The following EPSTI1 variants were observed in gnomAD, a reference collection of about 807,000 sequenced individuals.
EPSTI1 encodes epithelial-stromal interaction protein 1.
In EPSTI1, 66 loss-of-function variants were observed where a neutral mutation model predicts 49.9. That is an observed-to-expected ratio of 1.32 (90% CI 1.08 to 1.62). The LOEUF (loss-of-function observed/expected upper bound fraction) is 1.62. Ranked by LOEUF, EPSTI1 falls within the 40% of genes most tolerant of loss-of-function variation. EPSTI1 has a pLI of 0.00. For synonymous variants in EPSTI1, 137 were observed against 130.7 expected (o/e 1.05, Z -0.33); for missense variants, 394 against 365.5 (o/e 1.08, Z -0.64).
intron 3 of EPSTI1, among the ~76,000 whole-genome samples, chr13:42,967,276 T>TA (rs563745064): frequency 0.28 from 3,774 of 13,678 alleles, 997 homozygotes; most frequent in South Asian, 0.69. Flanking sequence ...GAATTATCAA[T>TA]AAAAAAATAA....
chr13:42,926,288 A>G, intron 7 of EPSTI1, 48 bp downstream of exon 7: 1 of 1,049,292 alleles, frequency 9.5e-7, no homozygotes, highest in Non-Finnish European at 1.5e-6. Context: ...GTCACTAAAT[A>G]CCTCTATAAA....
At chr13:42,976,282 G>A (rs182653011) in intron 1 of EPSTI1, among the ~76,000 whole-genome samples, 121 of 152,228 alleles carry the variant, frequency 7.9e-4, no homozygotes, top group African/African-American at 2.8e-3. Context: ...AAAATCCTTC[G>A]GGAATACACC....
chr13:42,917,708 T>G, intron 7 of EPSTI1, 84 bp from the exon 8 acceptor site: 2 of 989,166 alleles, frequency 2.0e-6, no homozygotes, highest in Non-Finnish European at 3.0e-6. Context: ...CTGCCTACTA[T>G]AGGCCCGGTG....
chr13:42,941,745 G>A (rs1297076477), intron 6 of EPSTI1, among the ~76,000 whole-genome samples: 11 of 150,284 alleles, frequency 7.3e-5, no homozygotes, highest in Admixed American at 7.3e-4. Context: ...TTTTTTTTTG[G>A]AGGTTACCAA....
intron 8 of EPSTI1, among the ~76,000 whole-genome samples, chr13:42,916,982 T>G (rs79863182): frequency 6.6e-6 from 1 of 152,320 alleles, no homozygotes; most frequent in East Asian, 1.9e-4. Flanking sequence ...GTAATGAAGA[T>G]TATTCTTTAA....
At chr13:42,975,484 A>G (rs1236533094) in intron 1 of EPSTI1, among the ~76,000 whole-genome samples, 1 of 152,244 alleles carries the variant, frequency 6.6e-6, no homozygotes, top group Non-Finnish European at 1.5e-5. Flanking sequence ...GGCTGAATAC[A>G]GACACAGTGG....
At chr13:42,895,673 T>C (rs1041371198) in intron 9 of EPSTI1, among the ~76,000 whole-genome samples, 5 of 152,216 alleles carry the variant, frequency 3.3e-5, no homozygotes, top group African/African-American at 1.2e-4. Context: ...ACTATAAATA[T>C]CTGTTTTGTG....
chr13:42,968,328 G>C (rs903029770), intron 3 of EPSTI1, among the ~76,000 whole-genome samples: 1 of 151,958 alleles, frequency 6.6e-6, no homozygotes, highest in Non-Finnish European at 1.5e-5. Flanking sequence ...TTCTTGGTGG[G>C]GGGGCAGGGT....
At chr13:42,901,872 C>T (rs927912908) in intron 8 of EPSTI1, among the ~76,000 whole-genome samples, 1 of 151,812 alleles carries the variant, frequency 6.6e-6, no homozygotes, top group African/African-American at 2.4e-5. Context: ...CCCACTAACT[C>T]GTCATCTAGC....
At chr13:42,898,359 A>G (rs141848517) in intron 9 of EPSTI1, among the ~76,000 whole-genome samples, 2 of 152,340 alleles carry the variant, frequency 1.3e-5, no homozygotes, top group East Asian at 3.9e-4. Context: ...TTCATTGAGT[A>G]TGTATTCTCA....
At chr13:42,928,381 G>A (rs971438201) in intron 6 of EPSTI1, among the ~76,000 whole-genome samples, 4 of 152,142 alleles carry the variant, frequency 2.6e-5, no homozygotes, top group Admixed American at 6.5e-5. Context: ...AGGGGCAAAC[G>A]AAGGAAAACA....
At chr13:42,957,392 A>T (rs1490932995) in intron 5 of EPSTI1, among the ~76,000 whole-genome samples, 2 of 152,176 alleles carry the variant, frequency 1.3e-5, no homozygotes. Context: ...AGATCCTTAA[A>T]TGTGGAATTT....
intron 1 of EPSTI1, among the ~76,000 whole-genome samples, chr13:42,979,304 C>T (rs761416703): frequency 1.6e-4 from 24 of 152,168 alleles, no homozygotes; most frequent in Non-Finnish European, 3.1e-4. Context: ...GCCGGTGGGG[C>T]ACAGTGGCTT....
chr13:42,890,644 C>CT (rs1185970351), intron 10 of EPSTI1, among the ~76,000 whole-genome samples: 2 of 152,012 alleles, frequency 1.3e-5, no homozygotes, highest in Non-Finnish European at 2.9e-5. Context: ...TTGGTTGGAT[C>CT]TTTTTATTAG....
At chr13:42,921,446 C>CATG (rs2153420066) in intron 7 of EPSTI1, among the ~76,000 whole-genome samples, 1 of 152,296 alleles carries the variant, frequency 6.6e-6, no homozygotes, top group East Asian at 1.9e-4. Context: ...AGGACCTGAA[C>CATG]ATGTTTACCT....
In EPSTI1 at chr13:42,968,964, A is replaced by G. The variant is rs914926471; in HGVS notation, c.331+130T>C. On this transcript the variant is annotated intron_variant, in intron 3 of 10. Transcript: ENST00000313624. ...CACACACACACACACAATTAAATGC[A>G]TTCCACCCAAGCAGCACAATGACCA... 2.1e-5 allele frequency: 17 copies of G among 826,662 alleles called. 1 individual carries two copies. Among genetic ancestry groups the G allele is most frequent in the Non-Finnish European group, 3.3e-5 (17 of 509,250 alleles). 51.2% of individuals were successfully genotyped at this position (826,662 alleles called of 1,614,324 possible). A position where few individuals can be genotyped will look rare whatever the true frequency, so the allele number is the denominator to read the frequency against.
chr13:42,936,063 TC>T (rs2038552338), intron 6 of EPSTI1, among the ~76,000 whole-genome samples: 1 of 152,180 alleles, frequency 6.6e-6, no homozygotes, highest in Admixed American at 6.5e-5. Context: ...AAAGACTGCT[TC>T]CTCAATTATA....
At chr13:42,970,576 A>T (rs2039740959) in intron 2 of EPSTI1, 36 bp downstream of exon 2, 14 of 1,528,786 alleles carry the variant, frequency 9.2e-6, no homozygotes, top group Non-Finnish European at 1.2e-5. Context: ...AAAAAGAGAG[A>T]AGCATTCTGA....
chr13:42,896,718 A>C (rs2037199959), intron 9 of EPSTI1, among the ~76,000 whole-genome samples: 1 of 152,138 alleles, frequency 6.6e-6, no homozygotes, highest in South Asian at 2.1e-4. Flanking sequence ...CATTGGTCTT[A>C]GAATAAAACT....
Sources: allele counts gnomAD v4.1 joint callset (sites outside exome capture counted in the v4.1 genomes callset), GRCh38; gene constraint gnomAD v4.1.1; transcripts MANE v1.5; gene names NCBI Gene and HGNC (gene_info 2026-07-23, HGNC 2026-07-21).